CACNA1S: variants seen among roughly 807,000 people sequenced by gnomAD.
CACNA1S encodes the protein voltage-dependent L-type calcium channel subunit alpha-1S.
In CACNA1S, 126 loss-of-function variants were observed where a neutral mutation model predicts 207.4. The observed-to-expected ratio is 0.61, with a 90% CI of 0.53 to 0.70. The LOEUF (loss-of-function observed/expected upper bound fraction) is 0.70, where lower values mean the gene tolerates loss of function less well. Ranked by LOEUF, CACNA1S falls within the 30% of genes least tolerant of loss-of-function variation. The probability of loss-of-function intolerance (pLI) is 0.00; values close to 1 mark genes in which losing one functional copy is unlikely to be tolerated. For synonymous variants in CACNA1S, 960 were observed against 932.7 expected, an observed-to-expected ratio of 1.03 and a Z score of -0.53; for missense variants, 2,349 against 2,422.8, an observed-to-expected ratio of 0.97 and a Z score of 0.64.
Position 201,110,287 on chromosome 1 carries a change from G to C in CACNA1S, c.153-18C>G, listed in dbSNP as rs778501714. 6 of 1,609,196 alleles carry C rather than the reference G, an allele frequency of 3.7e-6. No homozygotes were observed. The highest frequency in any genetic ancestry group is 5.1e-6 in the Non-Finnish European group (6 of 1,175,480). Reference sequence around the variant, plus strand: ...CGAAGGGCCTGGAGCCAGGGTTAAGGAGAGCCCTCGAGTGAGGCAAGGGAC... The same window carrying C: ...CGAAGGGCCTGGAGCCAGGGTTAAGCAGAGCCCTCGAGTGAGGCAAGGGAC... On this transcript the variant is annotated intron_variant, in intron 1 of 43. Transcript: ENST00000362061.
intron 14 of CACNA1S, 108 bp from the exon 15 acceptor site, chr1:201,073,750 G>A (rs780568485): frequency 4.4e-6 from 4 of 899,754 alleles, no homozygotes; most frequent in Non-Finnish European, 7.5e-6. Context: ...CAGGGGATCT[G>A]TAGGAGGAGT....
rs1661469879 is a variant in CACNA1S, at chr1:201,072,768, T to C, written c.2214A>G (p.Ser738=). The change falls in exon 16 of 44, where the codon TCA becomes TCG. Residue 738 remains serine, a synonymous_variant. Coordinates refer to ENST00000362061, the MANE Select transcript of CACNA1S (RefSeq NM_000069.3). ...NVNEVKDPYP[S]ADFPGDDEED... ...CAGCATCCTCACCTGGGAAGTCGGC[T>C]GAGGGGTAGGGATCCTTCACCTCAT... 1 of 1,613,790 alleles carries C rather than the reference T, an allele frequency of 6.2e-7. No individual in the cohort carries two copies. The highest frequency in any genetic ancestry group is 8.5e-7 in the Non-Finnish European group (1 of 1,179,806).
chr1:201,047,394 C>T, intron 37 of CACNA1S, 131 bp downstream of exon 37: 2 of 1,250,542 alleles, frequency 1.6e-6, no homozygotes, highest in Non-Finnish European at 2.3e-6. Context: ...GGTTGGATGC[C>T]CGTGGGATCT....
intron 41 of CACNA1S, among the ~76,000 whole-genome samples, chr1:201,041,213 A>T (rs1360288782): frequency 6.6e-6 from 1 of 151,876 alleles, no homozygotes; most frequent in Non-Finnish European, 1.5e-5. Flanking sequence ...TGTGCTGGGG[A>T]TGGTGTAGGG....
intron 32 of CACNA1S, among the ~76,000 whole-genome samples, chr1:201,052,167 G>A (rs1660678125): frequency 6.6e-6 from 1 of 152,158 alleles, no homozygotes; most frequent in African/African-American, 2.4e-5. Context: ...CTGTGGCAGC[G>A]CCCCCCACCC....
intron 22 of CACNA1S, among the ~76,000 whole-genome samples, chr1:201,063,824 TA>T (rs1661150827): frequency 6.6e-6 from 1 of 151,980 alleles, no homozygotes; most frequent in African/African-American, 2.4e-5. Context: ...GTACTGGGGG[TA>T]AGCAGAGAGT....
chr1:201,075,001 C>T (rs1280542030), intron 13 of CACNA1S, among the ~76,000 whole-genome samples: 10 of 152,180 alleles, frequency 6.6e-5, no homozygotes, highest in South Asian at 2.1e-4. Context: ...GGCACCAGGA[C>T]GGCTCAGGCA....
chr1:201,061,191 G>C, intron 25 of CACNA1S, 76 bp downstream of exon 25: 1 of 1,352,828 alleles, frequency 7.4e-7, no homozygotes, highest in Non-Finnish European at 1.1e-6. Flanking sequence ...TCTCTTCCCT[G>C]GCTGAACCTA....
Position 201,110,336 on chromosome 1 carries a change from C to T in CACNA1S, c.153-67G>A, listed in dbSNP as rs553834741. ...ACTTACAGGGTTAAGGGGATGAGGG[C>T]GCTGAGGGTCAGTCTGGACTGTGAC... On this transcript the variant is annotated intron_variant, in intron 1 of 43. Coordinates refer to ENST00000362061, the MANE Select transcript of CACNA1S (RefSeq NM_000069.3). 3.7e-5 allele frequency: 50 copies of T among 1,337,772 alleles called. No homozygotes were observed. In the East Asian group the frequency reaches 6.2e-4, roughly 17 times the overall value. 82.9% of individuals were successfully genotyped at this position (1,337,772 alleles called of 1,614,324 possible).
In CACNA1S at chr1:201,089,506, G is replaced by A. The variant is rs747743329; in HGVS notation, c.695-43C>T. 4.4e-6 allele frequency: 7 copies of A among 1,585,940 alleles called. No homozygotes were observed. In the Admixed American group the frequency reaches 6.7e-5, roughly 15 times the overall value. On this transcript the variant is annotated intron_variant, in intron 5 of 43. Transcript: ENST00000362061. ...AGGGAACATCAGACAACAGTAGTAG[G>A]TGGACAACGACAGGAGGAAAGGTGT...
At chr1:201,048,449 T>C in intron 36 of CACNA1S, 133 bp downstream of exon 36, 1 of 773,884 alleles carries the variant, frequency 1.3e-6, no homozygotes, top group South Asian at 1.5e-5. Context: ...TTTGTGCCCA[T>C]GGCCTGGGGT....
At chr1:201,085,705 G>T (rs1437938637) in intron 7 of CACNA1S, 124 bp from the exon 8 acceptor site, 3 of 1,123,624 alleles carry the variant, frequency 2.7e-6, no homozygotes, top group Non-Finnish European at 2.6e-6. Context: ...TGGCCCCGGG[G>T]TGTTGCCTGG....
At position 201,040,678 on chromosome 1, in the gene CACNA1S, C is replaced by T. The variant is rs753226510; in HGVS notation, c.5170G>A (p.Gly1724Arg). 3 of 1,613,974 alleles carry T rather than the reference C, an allele frequency of 1.9e-6. No homozygotes were observed. Among genetic ancestry groups the T allele is most frequent in the Admixed American group, 3.3e-5 (2 of 60,008 alleles). Residue 1724 changes from glycine (G) to arginine (R), a missense_variant, in exon 42 of 44, where the codon GGA becomes AGA. Gly to Arg is a moderately radical substitution (Grantham distance 125). Transcript: ENST00000362061. ...GGCATTGCCCTCTGGGTCAGCAGTC[C>T]CTTCAGCATCTCCACACAGGGTTTG... is the stretch of plus-strand genomic sequence containing the variant. ...HSKPCVEMLK[G>R]LLTQRAMPRG...
rs1049519827 is a variant in CACNA1S, at chr1:201,048,786, G to A, written c.4339-102C>T. 2.9e-6 allele frequency: 3 copies of A among 1,047,014 alleles called. No individual in the cohort carries two copies. In the Admixed American group the frequency reaches 5.3e-5, roughly 19 times the overall value. The allele number at this position is 1,047,014 out of a possible 1,614,324, so 64.9% of individuals were successfully genotyped here. A position where few individuals can be genotyped will look rare whatever the true frequency, so the allele number is the denominator to read the frequency against. On this transcript the variant is annotated intron_variant, in intron 35 of 43. Transcript: ENST00000362061. ...TGGACCGGGAGGGGACGGGACACGA[G>A]GGCTGGGGGTGTCAGCTGACCAGGA...
At chr1:201,043,849 C>G (rs537281555) in intron 39 of CACNA1S, among the ~76,000 whole-genome samples, 15 of 151,992 alleles carry the variant, frequency 9.9e-5, no homozygotes, top group Non-Finnish European at 1.9e-4. Flanking sequence ...CGCTCTGAAA[C>G]TGATTTACTA....
rs1390931938 is a variant in CACNA1S, at chr1:201,059,193, G to A, written c.3521C>T (p.Ala1174Val). The A allele has an allele frequency of 1.2e-6, 2 of 1,608,512 alleles. No individual in the cohort carries two copies. Among genetic ancestry groups the A allele is most frequent in the African/African-American group, 1.3e-5 (1 of 74,806 alleles). Reference sequence around the variant, plus strand: ...CCCGGTGGCCCCCACACTCACCCTGGCCTTGAAGGCCATGAGCTTGAGGAT... The same window carrying A: ...CCCGGTGGCCCCCACACTCACCCTGACCTTGAAGGCCATGAGCTTGAGGAT... ...EMILKLMAFK[A>V]RGYFGDPWNV... is the part of the protein sequence containing the mutation. Residue 1174 changes from alanine (A) to valine (V), a missense_variant, in exon 27 of 44, where the codon GCC becomes GTC. Physicochemically the swap from Ala to Val is moderately conservative, Grantham distance 64. Coordinates refer to ENST00000362061, the MANE Select transcript of CACNA1S (RefSeq NM_000069.3).
At chr1:201,052,720 TCTC>T (rs1315562167) in intron 31 of CACNA1S, 72 bp from the exon 32 acceptor site, 18 of 1,263,610 alleles carry the variant, frequency 1.4e-5, no homozygotes, top group Non-Finnish European at 2.1e-5. Context: ...CCCACTGCCT[TCTC>T]CTGCCTGACC....
Position 201,078,085 on chromosome 1 carries a change from C to T in CACNA1S, c.1413G>A (p.Leu471=). Residue 471 remains leucine, a synonymous_variant, in exon 11 of 44, where the codon CTG becomes CTA. Coordinates refer to ENST00000362061, the MANE Select transcript of CACNA1S (RefSeq NM_000069.3). ...TRLQDIANRV[L]LSLFTTEMLM... is the part of the protein sequence containing the mutation. ...GCATCTCAGTGGTGAAGAGGGACAGCAGCACCCGGTTGGCAATGTCTGTAG... is the reference window on the plus strand; with the variant it reads ...GCATCTCAGTGGTGAAGAGGGACAGTAGCACCCGGTTGGCAATGTCTGTAG... 6.2e-7 allele frequency: 1 copy of T among 1,614,164 alleles called. No individual in the cohort carries two copies. The highest frequency in any genetic ancestry group is 1.1e-5 in the South Asian group (1 of 91,076).
At chr1:201,058,225 G>A (rs1375430167) in intron 28 of CACNA1S, among the ~76,000 whole-genome samples, 183 bp downstream of exon 28, 1 of 152,200 alleles carries the variant, frequency 6.6e-6, no homozygotes, top group African/African-American at 2.4e-5. Context: ...CCTGGTATCT[G>A]AGTTACCTCT....
Sources: allele counts gnomAD v4.1 joint callset (sites outside exome capture counted in the v4.1 genomes callset), GRCh38; gene constraint gnomAD v4.1.1; transcripts MANE v1.5; gene names NCBI Gene and HGNC (gene_info 2026-07-23, HGNC 2026-07-21).